The following ERC2 variants were observed in gnomAD, a reference collection of about 807,000 sequenced individuals.
The protein encoded by ERC2 is ELKS/RAB6-interacting/CAST family member 2, also known as ERC protein 2.
In ERC2, 42 loss-of-function variants were observed where a neutral mutation model predicts 114.8. The ratio of observed to expected loss-of-function variants is 0.37; its 90% CI spans 0.29 to 0.47. The LOEUF (loss-of-function observed/expected upper bound fraction) is 0.47. Ranked by LOEUF, ERC2 falls within the 20% of genes least tolerant of loss-of-function variation. ERC2 has a pLI of 0.99. For synonymous variants in ERC2, 454 were observed against 425.5 expected (o/e 1.07, Z -0.82); for missense variants, 939 against 1,150.7 (o/e 0.82, Z 2.66).
At position 56,170,598 on chromosome 3, in the gene ERC2, T is replaced by TTTG. The variant is rs1560298721; in HGVS notation, c.1149+2847_1149+2848insCAA. Among the ~76,000 whole-genome samples the TTTG allele has an allele frequency of 1.8e-4, 24 of 135,194 alleles. 1 individual carries two copies. The East Asian group carries it at 4.3e-3, about 24-fold the overall frequency. The allele number at this position is 135,194 out of a possible 152,430, so 88.7% of individuals were successfully genotyped here. A position where few individuals can be genotyped will look rare whatever the true frequency, so the allele number is the denominator to read the frequency against. ...GAAATCTCTTCTGTTTTTTTTTTTT[T>TTTG]TTTTTTTTTTTTTTTTGAGGTAGTG... On this transcript the variant is annotated intron_variant, in intron 4 of 17. Transcript: ENST00000288221.
intron 2 of ERC2, among the ~76,000 whole-genome samples, chr3:56,433,539 C>T (rs1207865211): frequency 6.6e-6 from 1 of 152,170 alleles, no homozygotes; most frequent in Admixed American, 6.5e-5. Context: ...GGAGGCAGCA[C>T]AAGATAAGGC....
chr3:55,575,032 G>A (rs548489034), intron 17 of ERC2, among the ~76,000 whole-genome samples: 2 of 152,112 alleles, frequency 1.3e-5, no homozygotes, highest in East Asian at 3.9e-4. Context: ...GTTTTTTTCT[G>A]AGACGGAATG....
chr3:56,250,959 G>A (rs967090951), intron 3 of ERC2, among the ~76,000 whole-genome samples: 1 of 152,172 alleles, frequency 6.6e-6, no homozygotes, highest in African/African-American at 2.4e-5. Flanking sequence ...TGAATAAAGA[G>A]CCAATCAAAA....
At chr3:55,666,879 G>T (rs1018449443) in intron 17 of ERC2, among the ~76,000 whole-genome samples, 3 of 151,944 alleles carry the variant, frequency 2.0e-5, no homozygotes, top group African/African-American at 7.3e-5. Context: ...ACTCTCTAGG[G>T]TCCAGTTTTC....
At chr3:55,654,533 T>G (rs1051407408) in intron 17 of ERC2, among the ~76,000 whole-genome samples, 3 of 152,228 alleles carry the variant, frequency 2.0e-5, no homozygotes, top group African/African-American at 7.2e-5. Context: ...TTTGAACCAC[T>G]CTGCAGAAAA....
At chr3:55,535,934 G>T (rs2053972954) in intron 17 of ERC2, among the ~76,000 whole-genome samples, 1 of 151,288 alleles carries the variant, frequency 6.6e-6, no homozygotes, top group East Asian at 2.0e-4. Flanking sequence ...GGGAGGCGGA[G>T]GTTGCAGTGA....
At chr3:55,565,166 A>G (rs1311051379) in intron 17 of ERC2, among the ~76,000 whole-genome samples, 1 of 152,222 alleles carries the variant, frequency 6.6e-6, no homozygotes, top group Non-Finnish European at 1.5e-5. Context: ...TCATATAAGA[A>G]AAAAAGAAGT....
intron 3 of ERC2, among the ~76,000 whole-genome samples, chr3:56,227,918 A>G (rs1575954352): frequency 6.6e-6 from 1 of 152,252 alleles, no homozygotes; most frequent in Admixed American, 6.5e-5. Context: ...GTATATTCAC[A>G]TAATGGGAAA....
intron 2 of ERC2, among the ~76,000 whole-genome samples, chr3:56,384,752 C>T (rs2059875585): frequency 6.6e-6 from 1 of 152,062 alleles, no homozygotes; most frequent in Non-Finnish European, 1.5e-5. Context: ...CTTTTGGTGT[C>T]CTACCTAAGA....
intron 3 of ERC2, among the ~76,000 whole-genome samples, chr3:56,248,276 TACAG>T (rs777275123): frequency 2.1e-4 from 32 of 152,126 alleles, no homozygotes; most frequent in Non-Finnish European, 3.8e-4. Flanking sequence ...AAATTTTTTT[TACAG>T]ACAGAGTCTC....
intron 3 of ERC2, among the ~76,000 whole-genome samples, chr3:56,236,810 C>T (rs1037484698): frequency 9.9e-5 from 15 of 152,140 alleles, no homozygotes; most frequent in African/African-American, 2.9e-4. Flanking sequence ...AAACAGATAC[C>T]TGAGTATTGC....
intron 7 of ERC2, among the ~76,000 whole-genome samples, chr3:56,032,421 A>G (rs2074427439): frequency 6.6e-6 from 1 of 152,170 alleles, no homozygotes; most frequent in Non-Finnish European, 1.5e-5. Context: ...GCAAAGCAAT[A>G]TATGCATTAT....
intron 2 of ERC2, among the ~76,000 whole-genome samples, chr3:56,378,082 A>G (rs1442018644): frequency 6.6e-6 from 1 of 152,024 alleles, no homozygotes; most frequent in Non-Finnish European, 1.5e-5. Context: ...TGGGAACCCA[A>G]AGGACTATAA....
Position 55,727,715 on chromosome 3 carries a change from C to T in ERC2, c.2712+7056G>A, listed in dbSNP as rs144923296. Among the ~76,000 whole-genome samples the T allele has an allele frequency of 3.4e-4, 51 of 152,218 alleles. No individual in the cohort carries two copies. The East Asian group carries it at 7.1e-3, about 21-fold the overall frequency. On this transcript the variant is annotated intron_variant, in intron 15 of 17. Coordinates refer to ENST00000288221, the MANE Select transcript of ERC2 (RefSeq NM_015576.3). ...CAGGAGTTTTCAGGGATGAAATGGA[C>T]GGATTCCCTTCATAACAGCAAGCAA... is the stretch of plus-strand genomic sequence containing the variant.
intron 7 of ERC2, among the ~76,000 whole-genome samples, chr3:56,048,508 T>C (rs1402961855): frequency 6.6e-6 from 1 of 152,188 alleles, no homozygotes; most frequent in African/African-American, 2.4e-5. Flanking sequence ...AGCTCTTCTG[T>C]AAGCATTTAC....
At chr3:56,139,416 G>T in intron 6 of ERC2, 93 bp downstream of exon 6, 1 of 1,281,516 alleles carries the variant, frequency 7.8e-7, no homozygotes, top group Non-Finnish European at 1.1e-6. Flanking sequence ...CCAAGGGTTA[G>T]GATAAAGGGT....
intron 17 of ERC2, among the ~76,000 whole-genome samples, chr3:55,663,135 G>T (rs2061209661): frequency 6.6e-6 from 1 of 152,208 alleles, no homozygotes; most frequent in Non-Finnish European, 1.5e-5. Context: ...GAACGGAAGG[G>T]AGATGGTTTC....
intron 3 of ERC2, among the ~76,000 whole-genome samples, chr3:56,266,170 T>A (rs1311605690): frequency 6.9e-6 from 1 of 145,124 alleles, no homozygotes; most frequent in African/African-American, 2.6e-5. Context: ...TTGCTCTGTC[T>A]CCCAGGCTGG....
chr3:56,320,716 A>G (rs566353550), intron 2 of ERC2, among the ~76,000 whole-genome samples: 28 of 152,344 alleles, frequency 1.8e-4, no homozygotes, highest in Non-Finnish European at 3.4e-4. Flanking sequence ...GAAAAATGAG[A>G]AAATAAATAC....
Sources: allele counts gnomAD v4.1 joint callset (sites outside exome capture counted in the v4.1 genomes callset), GRCh38; gene constraint gnomAD v4.1.1; transcripts MANE v1.5; gene names NCBI Gene and HGNC (gene_info 2026-07-23, HGNC 2026-07-21).